The following NBEAL1 variants were observed in gnomAD, a reference collection of about 807,000 sequenced individuals.
NBEAL1 encodes the protein neurobeachin like 1, also known as neurobeachin-like protein 1.
Under a neutral mutation model 351.3 loss-of-function variants are expected in NBEAL1, and 273 were observed. The ratio of observed to expected loss-of-function variants is 0.78; its 90% CI spans 0.70 to 0.86. NBEAL1 has a LOEUF of 0.86. Ranked by LOEUF, NBEAL1 falls within the 40% of genes least tolerant of loss-of-function variation. The probability of loss-of-function intolerance (pLI) is 0.00; values close to 1 mark genes in which losing one functional copy is unlikely to be tolerated. For missense variants in NBEAL1, 2,961 were observed against 3,201.3 expected, an observed-to-expected ratio of 0.92 and a Z score of 1.81; for synonymous variants, 1,050 against 1,086.4, an observed-to-expected ratio of 0.97 and a Z score of 0.66.
At chr2:203,214,459 CA>C (rs35777020) in intron 55 of NBEAL1, among the ~76,000 whole-genome samples, 7 of 149,760 alleles carry the variant, frequency 4.7e-5, no homozygotes, top group South Asian at 4.2e-4. Flanking sequence ...ATTATTTTAC[CA>C]AAAAAAAAGT....
At chr2:203,186,400 T>C (rs529833670) in intron 44 of NBEAL1, among the ~76,000 whole-genome samples, 8 of 152,318 alleles carry the variant, frequency 5.3e-5, no homozygotes, top group Non-Finnish European at 1.0e-4. Flanking sequence ...AGAGAACTTA[T>C]AAACAGACAC....
intron 55 of NBEAL1, among the ~76,000 whole-genome samples, chr2:203,213,995 G>C (rs1326040369): frequency 2.0e-5 from 3 of 152,088 alleles, no homozygotes; most frequent in African/African-American, 7.2e-5. Context: ...AACTACTTTA[G>C]TTTTAACAAA....
intron 28 of NBEAL1, 79 bp downstream of exon 28, chr2:203,136,331 C>A: frequency 1.9e-6 from 2 of 1,033,388 alleles, no homozygotes; most frequent in Non-Finnish European, 2.8e-6. Flanking sequence ...AATATGTGAG[C>A]AGTTGTTAAC....
Position 203,125,482 on chromosome 2 carries a change from A to T in NBEAL1, c.2813A>T (p.Glu938Val). 1 of 1,538,940 alleles carries T rather than the reference A, an allele frequency of 6.5e-7. No homozygotes were observed. The highest frequency in any genetic ancestry group is 1.4e-5 in the African/African-American group (1 of 72,684). ...GTTCCTGAATCAGTAACACCTGTTG[A>T]AGGAGATTGGCTCGTATGGACTTCC... Reference protein sequence around the residue: ...STVPESVTPVEGDWLVWTSTK... With the variant: ...STVPESVTPVVGDWLVWTSTK... Residue 938 changes from glutamate to valine, a missense_variant, in exon 20 of 56, where the codon GAA becomes GTA. Transcript: ENST00000683969.
chr2:203,024,131 G>T (rs2060814407), intron 2 of NBEAL1, among the ~76,000 whole-genome samples: 1 of 151,312 alleles, frequency 6.6e-6, no homozygotes, highest in African/African-American at 2.4e-5. Context: ...GGGAGTTTCA[G>T]TCTACAGTGA....
At chr2:203,023,107 G>A (rs1436514033) in intron 2 of NBEAL1, among the ~76,000 whole-genome samples, 1 of 152,156 alleles carries the variant, frequency 6.6e-6, no homozygotes, top group Non-Finnish European at 1.5e-5. Flanking sequence ...TGGAAAAATG[G>A]AATTAGTGAA....
intron 15 of NBEAL1, 117 bp from the exon 16 acceptor site, chr2:203,111,862 C>A: frequency 8.7e-7 from 1 of 1,152,798 alleles, no homozygotes; most frequent in South Asian, 1.6e-5. Flanking sequence ...TTAACATTTA[C>A]GTTTAATCTT....
At chr2:203,015,341 T>C (rs779489596) in intron 1 of NBEAL1, among the ~76,000 whole-genome samples, 24 of 152,104 alleles carry the variant, frequency 1.6e-4, no homozygotes, top group Non-Finnish European at 2.9e-4. Flanking sequence ...GATGGAAAGG[T>C]GGAGAGGCCA....
intron 44 of NBEAL1, among the ~76,000 whole-genome samples, chr2:203,187,544 A>G (rs1430611618): frequency 6.6e-6 from 1 of 151,470 alleles, no homozygotes; most frequent in Non-Finnish European, 1.5e-5. Context: ...GTTCAAGACC[A>G]GCCTGGCCAA....
chr2:203,099,745 T>C (rs1045952593), intron 12 of NBEAL1, 33 bp downstream of exon 12: 8 of 1,355,786 alleles, frequency 5.9e-6, no homozygotes, highest in Admixed American at 2.4e-5. Flanking sequence ...TTTTTTTTTT[T>C]CTTAACTTTT....
chr2:203,106,503 G>A (rs2062442705), intron 12 of NBEAL1, among the ~76,000 whole-genome samples: 1 of 152,072 alleles, frequency 6.6e-6, no homozygotes, highest in Admixed American at 6.6e-5. Flanking sequence ...ACCATTTTAA[G>A]TCCTAAATAA....
chr2:203,123,512 TTAG>T (rs1454320423), intron 19 of NBEAL1, among the ~76,000 whole-genome samples: 2 of 151,992 alleles, frequency 1.3e-5, no homozygotes, highest in East Asian at 3.9e-4. Context: ...TTTGTATTTT[TTAG>T]TAGAGACAGG....
intron 6 of NBEAL1, among the ~76,000 whole-genome samples, chr2:203,064,473 GATCATCAGTAAGA>G (rs1397110653): frequency 1.3e-5 from 2 of 152,200 alleles, no homozygotes; most frequent in Non-Finnish European, 2.9e-5. Context: ...AAAATTAACT[GATCATCAGTAAGA>G]AGTAGTGGGT....
rs1037851367 is a variant in NBEAL1 at position 203,218,465 on chromosome 2, C to A, written c.*1111C>A. ...TTAGGTCAGAGAGCTTTTACAACTA[C>A]CAGTGTTATTAATCTGAGATTTCAT... On this transcript the variant is annotated 3_prime_UTR_variant, in exon 56 of 56. Coordinates refer to ENST00000683969, the MANE Select transcript of NBEAL1 (RefSeq NM_001378026.1). 18 of 152,022 alleles carry A rather than the reference C, an allele frequency of 1.2e-4. No homozygotes were observed. Among genetic ancestry groups the A allele is most frequent in the Non-Finnish European group, 1.9e-4 (13 of 67,982 alleles). The allele number at this position is 152,022 out of a possible 1,614,324, so 9.4% of individuals were successfully genotyped here.
rs1433403301 is a variant in NBEAL1, at chr2:203,224,154, C to T, written c.*6800C>T. Among the ~76,000 whole-genome samples, 2 of 151,908 alleles carry T rather than the reference C, an allele frequency of 1.3e-5. No homozygotes were observed. Among genetic ancestry groups the T allele is most frequent in the Non-Finnish European group, 2.9e-5 (2 of 67,878 alleles). On this transcript the variant is annotated 3_prime_UTR_variant, in exon 56 of 56. Transcript: ENST00000683969. ...TATAGTAGATCTTACTATTAAAGAT[C>T]TTTTATATTTTAAACTGTTTTTTTC...
chr2:203,047,943 A>G (rs969097708), intron 3 of NBEAL1, among the ~76,000 whole-genome samples: 31 of 151,792 alleles, frequency 2.0e-4, no homozygotes, highest in African/African-American at 7.5e-4. Context: ...AAGTCTTGCT[A>G]TGTTGCCCAG....
chr2:203,107,523 G>A lies in NBEAL1; in HGVS notation c.1368+5G>A. The A allele has an allele frequency of 6.5e-7, 1 of 1,544,522 alleles. No homozygotes were observed. The highest frequency in any genetic ancestry group is 8.8e-7 in the Non-Finnish European group (1 of 1,142,550). ...CTTAAAGAACTTATGAATATGGTGAGTTTATAACCTTTATTAAGAGAATTT... is the reference window on the plus strand; with the variant it reads ...CTTAAAGAACTTATGAATATGGTGAATTTATAACCTTTATTAAGAGAATTT... On this transcript the variant is annotated splice_donor_5th_base_variant and intron_variant, in intron 13 of 55. Coordinates refer to ENST00000683969, the MANE Select transcript of NBEAL1 (RefSeq NM_001378026.1).
At chr2:203,081,010 C>T (rs2061862470) in intron 8 of NBEAL1, among the ~76,000 whole-genome samples, 1 of 152,112 alleles carries the variant, frequency 6.6e-6, no homozygotes, top group African/African-American at 2.4e-5. Context: ...ATAATGAAAC[C>T]TAACACTAAA....
chr2:203,029,575 C>G (rs1385457993), intron 2 of NBEAL1, among the ~76,000 whole-genome samples: 1 of 151,872 alleles, frequency 6.6e-6, no homozygotes, highest in Admixed American at 6.6e-5. Flanking sequence ...GCCAGTGGTC[C>G]CAGCTACTCA....
Sources: allele counts gnomAD v4.1 joint callset (sites outside exome capture counted in the v4.1 genomes callset), GRCh38; gene constraint gnomAD v4.1.1; transcripts MANE v1.5; gene names NCBI Gene and HGNC (gene_info 2026-07-23, HGNC 2026-07-21).